Variants in AIDA observed in about 807,000 individuals in gnomAD.
AIDA encodes axin interactor, dorsalization associated, also known as axin interactor, dorsalization-associated protein.
Under a neutral mutation model 42.7 loss-of-function variants are expected in AIDA, and 18 were observed. The observed-to-expected ratio is 0.42, with a 90% CI of 0.29 to 0.63. The LOEUF (loss-of-function observed/expected upper bound fraction) is 0.63. Ranked by LOEUF, AIDA falls within the 20% of genes least tolerant of loss-of-function variation. The pLI, the probability that AIDA is intolerant of heterozygous loss-of-function variation, is 0.19. For synonymous variants in AIDA, 104 were observed against 122.9 expected, an observed-to-expected ratio of 0.85 and a Z score of 1.02; for missense variants, 250 against 354.1, an observed-to-expected ratio of 0.71 and a Z score of 2.36.
chr1:222,671,159 T>C (rs567507298), intron 8 of AIDA, among the ~76,000 whole-genome samples: 108 of 152,110 alleles, frequency 7.1e-4, no homozygotes, highest in African/African-American at 2.3e-3. Context: ...CCCAGGGAGA[T>C]TGAGGCTGCA....
In AIDA at chr1:222,690,312, T is replaced by G. The variant is rs147271038; in HGVS notation, c.290-2654A>C. On this transcript the variant is annotated intron_variant, in intron 4 of 9. Coordinates refer to ENST00000340020, the MANE Select transcript of AIDA (RefSeq NM_022831.4). ...GGGACCACCTCCTGTGTTCTGGCTGTGACCAATCTGTATTTCAATGATTAC... is the reference window on the plus strand; with the variant it reads ...GGGACCACCTCCTGTGTTCTGGCTGGGACCAATCTGTATTTCAATGATTAC... Among the ~76,000 whole-genome samples the G allele has an allele frequency of 2.2e-3, 329 of 152,360 alleles. 2 individuals carry two copies. Among genetic ancestry groups the G allele is most frequent in the Non-Finnish European group, 3.6e-3 (247 of 68,036 alleles).
chr1:222,672,388 G>A (rs570177096), intron 8 of AIDA, among the ~76,000 whole-genome samples: 18 of 152,156 alleles, frequency 1.2e-4, no homozygotes, highest in Admixed American at 2.0e-4. Flanking sequence ...TTTCTTCAAC[G>A]TTATTTATTA....
At chr1:222,686,896 T>G (rs1241061505) in intron 6 of AIDA, 34 bp downstream of exon 6, 1 of 1,598,258 alleles carries the variant, frequency 6.3e-7, no homozygotes, top group Non-Finnish European at 8.5e-7. Flanking sequence ...TGGTTGCAGT[T>G]AAATAATGTT....
intron 2 of AIDA, among the ~76,000 whole-genome samples, chr1:222,695,721 A>G (rs1655499881): frequency 1.3e-5 from 2 of 152,188 alleles, no homozygotes; most frequent in Non-Finnish European, 1.5e-5. Flanking sequence ...CAAAAGAGAT[A>G]CTTCTTAAGT....
rs1183093082 is a variant in AIDA, at chr1:222,689,481, GTATATATATATATATATATA to G, written c.290-1843_290-1824del. On this transcript the variant is annotated intron_variant, in intron 4 of 9. Transcript: ENST00000340020. The stretch of plus-strand genomic sequence containing the variant: ...AAAGAAAATATGTATGTGTGTGTGT[GTATATATATATATATATATA>G]TATATATATATATATATATACACAC... 1.1e-3 allele frequency among the ~76,000 whole-genome samples: 39 copies of G among 35,366 alleles called. 1 individual carries two copies. Among genetic ancestry groups the G allele is most frequent in the East Asian group, 9.0e-3 (5 of 558 alleles). 23.2% of individuals were successfully genotyped at this position (35,366 alleles called of 152,430 possible).
intron 1 of AIDA, among the ~76,000 whole-genome samples, chr1:222,704,410 CA>C (rs1300781825): frequency 6.6e-6 from 1 of 151,902 alleles, no homozygotes; most frequent in African/African-American, 2.4e-5. Flanking sequence ...TGAAAACTAC[CA>C]AAATGTCCAT....
intron 4 of AIDA, among the ~76,000 whole-genome samples, chr1:222,689,511 A>ATG (rs1445727340): frequency 1.3e-5 from 1 of 77,866 alleles, no homozygotes; most frequent in Non-Finnish European, 2.8e-5. Context: ...ATATATATAT[A>ATG]TATATATATA....
At chr1:222,697,943 C>T (rs1655567952) in intron 2 of AIDA, among the ~76,000 whole-genome samples, 1 of 151,978 alleles carries the variant, frequency 6.6e-6, no homozygotes, top group African/African-American at 2.4e-5. Context: ...TCATTACCAC[C>T]AAATTTGACT....
At chr1:222,683,863 A>C (rs1401571371) in intron 6 of AIDA, among the ~76,000 whole-genome samples, 3 of 152,200 alleles carry the variant, frequency 2.0e-5, no homozygotes, top group African/African-American at 7.2e-5. Flanking sequence ...AAATTTAAAT[A>C]TTTTGAAAAG....
chr1:222,694,645 T>C (rs1302469240), intron 2 of AIDA, among the ~76,000 whole-genome samples: 6 of 152,248 alleles, frequency 3.9e-5, no homozygotes, highest in African/African-American at 1.4e-4. Context: ...CACAATGGTA[T>C]AATTAATTTA....
chr1:222,709,965 C>T (rs1459583394), intron 1 of AIDA, among the ~76,000 whole-genome samples: 1 of 152,070 alleles, frequency 6.6e-6, no homozygotes, highest in Non-Finnish European at 1.5e-5. Context: ...TAAAGCAGCT[C>T]CTGTGTGTTG....
Position 222,686,991 on chromosome 1 carries a change from T to A in AIDA, c.399A>T (p.Glu133Asp). The A allele has an allele frequency of 1.2e-6, 2 of 1,613,788 alleles. No homozygotes were observed. The highest frequency in any genetic ancestry group is 1.7e-5 in the Admixed American group (1 of 59,986). ...CTCCAGCACCACCCTCTTCTTCATC[T>A]TCTTCAAATTCCAAATTCTCTTCTT... ...PGEEENLEFE[E>D]DEEEGGAGAG... The change falls in exon 6 of 10, where the codon GAA becomes GAT. Residue 133 changes from glutamate (E) to aspartate (D), a missense_variant. By Grantham distance (45) the Glu-to-Asp change is conservative (BLOSUM62 2). Transcript: ENST00000340020.
intron 4 of AIDA, among the ~76,000 whole-genome samples, chr1:222,693,211 G>A (rs1655418681): frequency 6.6e-6 from 1 of 152,132 alleles, no homozygotes; most frequent in South Asian, 2.1e-4. Context: ...AATGAAAAAT[G>A]AGAATATTGA....
At chr1:222,675,617 G>C (rs574385554) in intron 7 of AIDA, among the ~76,000 whole-genome samples, 1 of 152,290 alleles carries the variant, frequency 6.6e-6, no homozygotes, top group South Asian at 2.1e-4. Flanking sequence ...ATTCACTTAA[G>C]GCCTGATTCT....
intron 2 of AIDA, 26 bp downstream of exon 2, chr1:222,703,122 T>C: frequency 2.6e-6 from 4 of 1,555,178 alleles, no homozygotes; most frequent in Non-Finnish European, 3.5e-6. Context: ...TGGAATCTGA[T>C]ATATCTAGAG....
At position 222,712,366 on chromosome 1, in the gene AIDA, G is replaced by A. The variant is rs1656107371; in HGVS notation, c.-49C>T. The A allele has an allele frequency of 6.6e-7, 1 of 1,505,824 alleles. No homozygotes were observed. Among genetic ancestry groups the A allele is most frequent in the Non-Finnish European group, 8.9e-7 (1 of 1,125,176 alleles). The allele number at this position is 1,505,824 out of a possible 1,614,324, so 93.3% of individuals were successfully genotyped here. A position where few individuals can be genotyped will look rare whatever the true frequency, so the allele number is the denominator to read the frequency against. On this transcript the variant is annotated 5_prime_UTR_variant, in exon 1 of 10. Coordinates refer to ENST00000340020, the MANE Select transcript of AIDA (RefSeq NM_022831.4). Reference sequence around the variant, plus strand: ...CCCGCCCCTACCCCAGCAAGGCCGGGTTCTAGGGCGCCATCCTCCCCCGGC... The same window carrying A: ...CCCGCCCCTACCCCAGCAAGGCCGGATTCTAGGGCGCCATCCTCCCCCGGC...
rs1358848051 is a variant in AIDA at position 222,694,089 on chromosome 1, TAG to T, written c.234+119_234+120del. ...ATGAACTAAAAAAGTATGAATTTAA[TAG>T]ATGTTGTTATAAAACACTTCTGAGA... On this transcript the variant is annotated intron_variant, in intron 3 of 9. Transcript: ENST00000340020. 4 of 927,064 alleles carry T rather than the reference TAG, an allele frequency of 4.3e-6. No homozygotes were observed. The African/African-American group carries it at 5.0e-5, about 12-fold the overall frequency. 57.4% of individuals were successfully genotyped at this position (927,064 alleles called of 1,614,324 possible).
chr1:222,671,923 C>T (rs1321446879), intron 8 of AIDA, among the ~76,000 whole-genome samples: 2 of 152,174 alleles, frequency 1.3e-5, no homozygotes, highest in African/African-American at 4.8e-5. Context: ...CAAAACAATA[C>T]TAAAGTTCAA....
intron 1 of AIDA, among the ~76,000 whole-genome samples, chr1:222,704,603 G>C (rs577351525): frequency 1.3e-5 from 2 of 152,104 alleles, no homozygotes; most frequent in East Asian, 3.8e-4. Context: ...GTCCAGACTA[G>C]ATCAATCCAC....
Sources: allele counts gnomAD v4.1 joint callset (sites outside exome capture counted in the v4.1 genomes callset), GRCh38; gene constraint gnomAD v4.1.1; transcripts MANE v1.5; gene names NCBI Gene and HGNC (gene_info 2026-07-23, HGNC 2026-07-21).